The following RALYL variants were observed in gnomAD, a reference collection of about 807,000 sequenced individuals.
RALYL encodes RNA-binding Raly-like protein.
A neutral mutation model predicts 35.1 loss-of-function variants in RALYL; 29 were observed. The ratio of observed to expected loss-of-function variants is 0.83; its 90% CI spans 0.61 to 1.13. The LOEUF is 1.13. Ranked by LOEUF, RALYL falls within the 50% of genes most tolerant of loss-of-function variation. The pLI is 0.00. For synonymous variants in RALYL, 120 were observed against 127.6 expected (o/e 0.94, Z 0.40); for missense variants, 359 against 360.4 (o/e 1.00, Z 0.03).
chr8:84,826,111 T>C (rs1364536139), intron 4 of RALYL, among the ~76,000 whole-genome samples: 1 of 151,818 alleles, frequency 6.6e-6, no homozygotes, highest in East Asian at 1.9e-4. Context: ...TGGCTACTCA[T>C]GAACATAAAG....
At chr8:84,872,054 G>A (rs550437883) in intron 6 of RALYL, among the ~76,000 whole-genome samples, 1 of 152,196 alleles carries the variant, frequency 6.6e-6, no homozygotes, top group East Asian at 1.9e-4. Flanking sequence ...AGAAGGAAAA[G>A]AGACAGAAGA....
intron 4 of RALYL, among the ~76,000 whole-genome samples, chr8:84,813,771 T>C (rs192952605): frequency 6.6e-6 from 1 of 151,080 alleles, no homozygotes; most frequent in Non-Finnish European, 1.5e-5. Context: ...ACTTTTTTTT[T>C]AATACTTTAA....
At chr8:84,712,271 C>A (rs2132488033) in intron 2 of RALYL, among the ~76,000 whole-genome samples, 1 of 152,202 alleles carries the variant, frequency 6.6e-6, no homozygotes, top group South Asian at 2.1e-4. Flanking sequence ...TGAGCATGCA[C>A]AATGGGACTA....
Position 84,284,826 on chromosome 8 carries a change from T to C in RALYL, c.-24+100402T>C, listed in dbSNP as rs565746456. 2.1e-4 allele frequency among the ~76,000 whole-genome samples: 32 copies of C among 152,344 alleles called. No homozygotes were observed. The South Asian group carries it at 6.2e-3, about 30-fold the overall frequency. On this transcript the variant is annotated intron_variant, in intron 1 of 8. Transcript: ENST00000521268. ...TTTCTAACTAGTATTTTTTCCATTA[T>C]CTTAAAATATGTACTTTGAATTATA...
chr8:84,366,381 T>C (rs1854274364), intron 1 of RALYL, among the ~76,000 whole-genome samples: 1 of 152,164 alleles, frequency 6.6e-6, no homozygotes, highest in African/African-American at 2.4e-5. Flanking sequence ...GCAGTTTAGT[T>C]AGAAAGATAA....
chr8:84,689,737 C>T (rs1224307894), intron 2 of RALYL, among the ~76,000 whole-genome samples: 1 of 152,132 alleles, frequency 6.6e-6, no homozygotes, highest in Non-Finnish European at 1.5e-5. Flanking sequence ...TCTCCAGCAC[C>T]TGTTGTTTCC....
intron 8 of RALYL, among the ~76,000 whole-genome samples, chr8:84,904,564 C>T (rs925967453): frequency 6.6e-6 from 1 of 152,166 alleles, no homozygotes; most frequent in Middle Eastern, 3.4e-3. Context: ...AAACCTATTA[C>T]ATATATTCAA....
intron 1 of RALYL, among the ~76,000 whole-genome samples, chr8:84,520,636 C>T (rs189283675): frequency 6.6e-6 from 1 of 152,204 alleles, no homozygotes; most frequent in Non-Finnish European, 1.5e-5. Context: ...GGTGAGGCAC[C>T]ATTACTGCCT....
chr8:84,364,039 G>T (rs1853672281), intron 1 of RALYL, among the ~76,000 whole-genome samples: 1 of 152,082 alleles, frequency 6.6e-6, no homozygotes, highest in African/African-American at 2.4e-5. Flanking sequence ...GTTACCTATA[G>T]TCTTGTTATG....
At chr8:84,368,092 T>G (rs2131375030) in intron 1 of RALYL, among the ~76,000 whole-genome samples, 1 of 152,306 alleles carries the variant, frequency 6.6e-6, no homozygotes, top group East Asian at 1.9e-4. Context: ...ACGCAGAAGT[T>G]TCATTGAGTT....
At chr8:84,559,781 G>T (rs1411182323) in intron 2 of RALYL, among the ~76,000 whole-genome samples, 1 of 151,958 alleles carries the variant, frequency 6.6e-6, no homozygotes, top group Non-Finnish European at 1.5e-5. Flanking sequence ...CCAAGCTGTG[G>T]TTGAGCATTT....
intron 4 of RALYL, among the ~76,000 whole-genome samples, chr8:84,842,616 T>C (rs1454595202): frequency 2.0e-5 from 3 of 152,150 alleles, no homozygotes; most frequent in East Asian, 3.9e-4. Flanking sequence ...TAACTAATTT[T>C]ATGAGGCCTG....
intron 2 of RALYL, among the ~76,000 whole-genome samples, chr8:84,708,055 C>A (rs926692835): frequency 2.0e-5 from 3 of 152,056 alleles, no homozygotes; most frequent in African/African-American, 7.2e-5. Context: ...TTACAATTTT[C>A]TTTAAAAATG....
At chr8:84,203,527 T>C (rs1817391613) in intron 1 of RALYL, among the ~76,000 whole-genome samples, 1 of 152,122 alleles carries the variant, frequency 6.6e-6, no homozygotes, top group Admixed American at 6.5e-5. Flanking sequence ...GAAACAAGAA[T>C]TGAGATTTCC....
At chr8:84,911,560 T>C (rs1236059966) in intron 8 of RALYL, among the ~76,000 whole-genome samples, 1 of 152,122 alleles carries the variant, frequency 6.6e-6, no homozygotes, top group Non-Finnish European at 1.5e-5. Flanking sequence ...CAAAGCAAGC[T>C]ATTCTCCAGT....
At chr8:84,348,049 C>T (rs1024708556) in intron 1 of RALYL, among the ~76,000 whole-genome samples, 2 of 152,086 alleles carry the variant, frequency 1.3e-5, no homozygotes, top group African/African-American at 2.4e-5. Flanking sequence ...TTATATGGAC[C>T]TAACCTGATC....
chr8:84,313,161 G>T (rs1192604297), intron 1 of RALYL, among the ~76,000 whole-genome samples: 1 of 152,184 alleles, frequency 6.6e-6, no homozygotes, highest in African/African-American at 2.4e-5. Context: ...CTTTAGCCAT[G>T]GCTGGAGGTG....
chr8:84,450,152 G>A (rs2049303462), intron 1 of RALYL, among the ~76,000 whole-genome samples: 2 of 151,866 alleles, frequency 1.3e-5, no homozygotes, highest in Admixed American at 6.6e-5. Flanking sequence ...AAATGATACA[G>A]CTTATGTTAT....
intron 8 of RALYL, among the ~76,000 whole-genome samples, chr8:84,889,041 T>A (rs1258749827): frequency 2.6e-5 from 4 of 152,220 alleles, no homozygotes; most frequent in African/African-American, 9.6e-5. Context: ...TGAACCACTG[T>A]GCCCAGCCAG....
Sources: allele counts gnomAD v4.1 joint callset (sites outside exome capture counted in the v4.1 genomes callset), GRCh38; gene constraint gnomAD v4.1.1; transcripts MANE v1.5; gene names NCBI Gene and HGNC (gene_info 2026-07-23, HGNC 2026-07-21).